URB1: variants seen among roughly 807,000 people sequenced by gnomAD.
The protein encoded by URB1 is URB1 ribosome biogenesis factor.
URB1 carries 197 observed loss-of-function variants against 242.3 expected under a neutral mutation model. That is an observed-to-expected ratio of 0.81 (90% CI 0.72 to 0.91). The LOEUF (loss-of-function observed/expected upper bound fraction) is 0.91. Among genes scored for constraint, URB1 ranks in the 40% least tolerant of loss-of-function variants. The pLI, the probability that URB1 is intolerant of heterozygous loss-of-function variation, is 0.00. For synonymous variants in URB1, 1,153 were observed against 1,201.8 expected (o/e 0.96, Z 0.84); for missense variants, 2,721 against 2,860.5 (o/e 0.95, Z 1.11).
Position 32,345,569 on chromosome 21 carries a change from G to A in URB1, c.3875C>T (p.Ser1292Phe). 1.3e-6 allele frequency: 2 copies of A among 1,540,604 alleles called. No individual in the cohort carries two copies. The highest frequency in any genetic ancestry group is 2.5e-5 in the East Asian group (1 of 40,584). Residue 1292 changes from serine to phenylalanine, a missense_variant, in exon 23 of 39, where the codon TCC (serine) becomes TTC (phenylalanine). Ser to Phe is a radical substitution (Grantham distance 155). Transcript: ENST00000382751. Reference sequence around the variant, plus strand: ...CTTCCTCAAGACAGGAATGACAGCGGAAGACACTAGGGCAGAGATACAAAG... The same window carrying A: ...CTTCCTCAAGACAGGAATGACAGCGAAAGACACTAGGGCAGAGATACAAAG... ...SHFTRPAGVS[S>F]AVIPVLRKTL...
chr21:32,374,073 T>C (rs533604353), intron 6 of URB1, among the ~76,000 whole-genome samples: 1 of 152,340 alleles, frequency 6.6e-6, no homozygotes, highest in African/African-American at 2.4e-5. Context: ...ATATGATTAC[T>C]TATGAAGCAT....
intron 5 of URB1, among the ~76,000 whole-genome samples, chr21:32,377,678 G>A (rs903989501): frequency 1.3e-5 from 2 of 152,054 alleles, no homozygotes; most frequent in African/African-American, 4.8e-5. Flanking sequence ...CTCCTAAATC[G>A]TCCCGGCAGT....
chr21:32,317,768 A>G lies in URB1; in HGVS notation c.5942T>C (p.Leu1981Pro), dbSNP rs1192867252. 6.4e-7 allele frequency: 1 copy of G among 1,551,890 alleles called. No homozygotes were observed. The highest frequency in any genetic ancestry group is 2.0e-5 in the Admixed American group (1 of 51,000). ...TTCAATGAGGCTCCACTTGTGCAAG[A>G]GGACAAGGACGTCCTTGGTGGAAAG... ...TVLSTKDVLVLLHKWSLIERD... is the reference protein window; with the variant it reads ...TVLSTKDVLVPLHKWSLIERD... The change falls in exon 37 of 39, where the codon CTC becomes CCC. Residue 1981 changes from leucine (L) to proline (P), a missense_variant. Coordinates refer to ENST00000382751, the MANE Select transcript of URB1 (RefSeq NM_014825.3).
At chr21:32,337,988 C>CT (rs2032982180) in intron 26 of URB1, among the ~76,000 whole-genome samples, 1 of 152,170 alleles carries the variant, frequency 6.6e-6, no homozygotes. Context: ...AGCCTCTACT[C>CT]TGTCTACTCT....
chr21:32,385,565 C>T lies in URB1; in HGVS notation c.262G>A (p.Glu88Lys). Reference protein sequence around the residue: ...CVEIFQLLSGEKRPESETMLI... With the variant: ...CVEIFQLLSGKKRPESETMLI... ...CTTACTTCACTTTCAGGTCGTTTCT[C>T]TCCACTTAGGAGCTGGAAAATTTCG... is the stretch of plus-strand genomic sequence containing the variant. The change falls in exon 2 of 39, where the codon GAG becomes AAG. Residue 88 changes from glutamate to lysine, a missense_variant. Physicochemically the swap from Glu to Lys is moderately conservative, Grantham distance 56. Coordinates refer to ENST00000382751, the MANE Select transcript of URB1 (RefSeq NM_014825.3). 6.4e-7 allele frequency: 1 copy of T among 1,552,114 alleles called. No individual in the cohort carries two copies. The highest frequency in any genetic ancestry group is 8.7e-7 in the Non-Finnish European group (1 of 1,147,072).
intron 11 of URB1, among the ~76,000 whole-genome samples, 189 bp from the exon 12 acceptor site, chr21:32,362,210 AT>A (rs112343819): frequency 7.4e-4 from 108 of 146,000 alleles, no homozygotes; most frequent in Middle Eastern, 3.5e-3. Flanking sequence ...CTGCAGTATA[AT>A]TTTTTTTTTT....
intron 1 of URB1, among the ~76,000 whole-genome samples, chr21:32,390,468 G>A (rs2033625772): frequency 7.0e-6 from 1 of 142,880 alleles, no homozygotes; most frequent in Non-Finnish European, 1.5e-5. Context: ...TTTTTGATGG[G>A]GTTTTTTTTT....
chr21:32,382,920 C>T (rs1320217700), intron 4 of URB1, among the ~76,000 whole-genome samples: 2 of 152,216 alleles, frequency 1.3e-5, no homozygotes, highest in African/African-American at 4.8e-5. Flanking sequence ...TTCCTGGGCA[C>T]AATCCAACCC....
chr21:32,325,625 C>T (rs912684414), intron 30 of URB1, among the ~76,000 whole-genome samples: 2 of 152,164 alleles, frequency 1.3e-5, no homozygotes, highest in African/African-American at 4.8e-5. Flanking sequence ...TACATCCCAA[C>T]CAGGATAATT....
At chr21:32,323,043 C>A (rs1179697931) in intron 32 of URB1, among the ~76,000 whole-genome samples, 1 of 152,180 alleles carries the variant, frequency 6.6e-6, no homozygotes, top group Admixed American at 6.5e-5. Flanking sequence ...CAGAGGGCAA[C>A]GGACACCCTA....
At chr21:32,320,463 G>A in intron 35 of URB1, 68 bp downstream of exon 35, 1 of 1,167,440 alleles carries the variant, frequency 8.6e-7, no homozygotes, top group Non-Finnish European at 1.2e-6. Context: ...AGAGCTGGCA[G>A]CAGACGTCAT....
intron 23 of URB1, among the ~76,000 whole-genome samples, chr21:32,345,143 A>G (rs1005980683): frequency 6.6e-6 from 1 of 151,888 alleles, no homozygotes; most frequent in African/African-American, 2.4e-5. Flanking sequence ...CCTGGGAGAA[A>G]ATCACCCCCA....
At chr21:32,347,952 T>G in intron 21 of URB1, 141 bp from the exon 22 acceptor site, 2 of 1,337,454 alleles carry the variant, frequency 1.5e-6, no homozygotes, top group Non-Finnish European at 2.0e-6. Flanking sequence ...TCCTCAAGCC[T>G]ACATTTCCAT....
intron 30 of URB1, among the ~76,000 whole-genome samples, chr21:32,328,703 T>C (rs1256207849): frequency 6.6e-6 from 1 of 152,214 alleles, no homozygotes; most frequent in Non-Finnish European, 1.5e-5. Context: ...ACTGACATTC[T>C]AAGACAAATG....
intron 36 of URB1, 93 bp downstream of exon 36, chr21:32,319,122 TAC>T (rs1237700110): frequency 7.6e-5 from 99 of 1,294,148 alleles, no homozygotes; most frequent in Non-Finnish European, 9.5e-5. Context: ...GTCCCCCTGG[TAC>T]AGAGTCATGA....
In URB1 at chr21:32,334,293, G is replaced by T. The variant is rs1319811287; in HGVS notation, c.4727C>A (p.Thr1576Lys). The T allele has an allele frequency of 6.4e-7, 1 of 1,551,454 alleles. No individual in the cohort carries two copies. The highest frequency in any genetic ancestry group is 2.0e-5 in the Admixed American group (1 of 50,998). ...WGPAAVEHHK[T>K]CRSLGRSLWQ... is the part of the protein sequence containing the mutation. ...CAGTGACCTGCCCAGGCTCCGGCAC[G>T]TCTTGTGATGCTCCACGGCCGCTGG... Residue 1576 changes from threonine to lysine, a missense_variant, in exon 29 of 39, where the codon ACG becomes AAG. Thr to Lys is a moderately conservative substitution (Grantham distance 78, BLOSUM62 -1). Transcript: ENST00000382751.
Position 32,353,982 on chromosome 21 carries a change from C to T in URB1, c.2367G>A (p.Ala789=), listed in dbSNP as rs763239960. The T allele has an allele frequency of 1.3e-4, 198 of 1,551,652 alleles. No homozygotes were observed. Among genetic ancestry groups the T allele is most frequent in the Non-Finnish European group, 1.6e-4 (183 of 1,147,024 alleles). ...GCAACTTATTCCTGGCTTCCAGGGCCGCAGGGACTACCGCACTGAATGGGA... is the reference window on the plus strand; with the variant it reads ...GCAACTTATTCCTGGCTTCCAGGGCTGCAGGGACTACCGCACTGAATGGGA... ...LTFPFSAVVP[A]ALEARNKLLL... The change falls in exon 18 of 39, where the codon GCG becomes GCA. Residue 789 remains alanine (A), a synonymous_variant. Transcript: ENST00000382751.
intron 30 of URB1, 35 bp from the exon 31 acceptor site, chr21:32,325,424 A>T: frequency 2.6e-6 from 4 of 1,524,394 alleles, no homozygotes; most frequent in Non-Finnish European, 3.6e-6. Context: ...AAACACACAC[A>T]ATATGATTTT....
At chr21:32,334,840 G>C (rs950247812) in intron 28 of URB1, among the ~76,000 whole-genome samples, 2 of 152,116 alleles carry the variant, frequency 1.3e-5, no homozygotes, top group Admixed American at 1.3e-4. Flanking sequence ...GAGTGAACCA[G>C]GTCTGCCTAC....
Sources: gnomAD v4.1 joint callset for allele counts (sites outside exome capture counted in the v4.1 genomes callset) on GRCh38, gnomAD v4.1.1 for gene constraint, MANE v1.5 for transcripts, NCBI Gene and HGNC (gene_info 2026-07-23, HGNC 2026-07-21) for gene names.